DLG2: variants seen among roughly 807,000 people sequenced by gnomAD.
DLG2 encodes the protein discs large MAGUK scaffold protein 2.
A neutral mutation model predicts 132.5 loss-of-function variants in DLG2; 45 were observed. The ratio of observed to expected loss-of-function variants is 0.34; its 90% CI spans 0.27 to 0.44. The LOEUF (loss-of-function observed/expected upper bound fraction) is 0.44. Among genes scored for constraint, DLG2 ranks in the 20% least tolerant of loss-of-function variants. DLG2 has a pLI of 1.00. For synonymous variants in DLG2, 424 were observed against 419.6 expected, an observed-to-expected ratio of 1.01 and a Z score of -0.13; for missense variants, 1,045 against 1,196.9, an observed-to-expected ratio of 0.87 and a Z score of 1.87.
chr11:84,044,445 T>C (rs1393516894), intron 11 of DLG2, among the ~76,000 whole-genome samples: 1 of 151,668 alleles, frequency 6.6e-6, no homozygotes, highest in African/African-American at 2.4e-5. Flanking sequence ...ATTATTTTGT[T>C]TTCCCACGCC....
intron 19 of DLG2, among the ~76,000 whole-genome samples, chr11:83,582,656 T>C (rs1338698120): frequency 6.6e-6 from 1 of 152,208 alleles, no homozygotes; most frequent in Non-Finnish European, 1.5e-5. Flanking sequence ...GATATATAAG[T>C]CTGCTATAGG....
chr11:84,422,460 G>T (rs1293861739), intron 7 of DLG2, among the ~76,000 whole-genome samples: 10 of 152,120 alleles, frequency 6.6e-5, no homozygotes, highest in African/African-American at 2.4e-4. Context: ...CTGAATAAGG[G>T]TATGAAGTTG....
intron 7 of DLG2, among the ~76,000 whole-genome samples, chr11:84,284,351 G>A (rs1267819787): frequency 6.6e-6 from 1 of 152,216 alleles, no homozygotes; most frequent in Non-Finnish European, 1.5e-5. Context: ...TATTTTATAA[G>A]GGGAATTATA....
chr11:85,576,798 C>A (rs137875613), intron 3 of DLG2, among the ~76,000 whole-genome samples: 64 of 151,904 alleles, frequency 4.2e-4, no homozygotes, highest in African/African-American at 1.5e-3. Context: ...TTGATAAGTA[C>A]AATAAATAAA....
chr11:84,037,343 G>C (rs575210020), intron 11 of DLG2, among the ~76,000 whole-genome samples: 19 of 152,042 alleles, frequency 1.2e-4, no homozygotes, highest in Non-Finnish European at 2.6e-4. Context: ...GAACACCTGG[G>C]AAAGAATAGA....
intron 9 of DLG2, among the ~76,000 whole-genome samples, chr11:84,152,088 C>T (rs1458519456): frequency 1.3e-5 from 2 of 152,144 alleles, no homozygotes; most frequent in Non-Finnish European, 2.9e-5. Context: ...AGTTTAAGTT[C>T]ATGATTCCTT....
rs550840841 is a variant in DLG2 at position 84,622,461 on chromosome 11, T to A, written c.358-87730A>T. Among the ~76,000 whole-genome samples the A allele has an allele frequency of 2.6e-5, 4 of 152,260 alleles. No individual in the cohort carries two copies. In the South Asian group the frequency reaches 8.3e-4, roughly 32 times the overall value. On this transcript the variant is annotated intron_variant, in intron 6 of 27. Transcript: ENST00000376104. ...GAAATCCAAAAGTCAGATTCCTTCA[T>A]AAGAGTCTGATCCCACAGTGGACTG... is the stretch of plus-strand genomic sequence containing the variant.
chr11:85,097,243 A>G (rs896495099), intron 6 of DLG2, among the ~76,000 whole-genome samples: 1 of 152,060 alleles, frequency 6.6e-6, no homozygotes, highest in Non-Finnish European at 1.5e-5. Flanking sequence ...TCAAGACTCT[A>G]TTCCCTTCTT....
At chr11:85,619,681 A>G (rs1301908254) in intron 2 of DLG2, among the ~76,000 whole-genome samples, 1 of 152,082 alleles carries the variant, frequency 6.6e-6, no homozygotes, top group Non-Finnish European at 1.5e-5. Flanking sequence ...CAAAAATGAA[A>G]AAATTAGCCA....
chr11:84,147,424 C>T (rs1215047861), intron 9 of DLG2, among the ~76,000 whole-genome samples: 1 of 152,064 alleles, frequency 6.6e-6, no homozygotes, highest in Non-Finnish European at 1.5e-5. Flanking sequence ...AGCTGTTTAG[C>T]ATTTTATATG....
At chr11:83,766,458 T>C (rs1190096130) in intron 18 of DLG2, among the ~76,000 whole-genome samples, 1 of 151,832 alleles carries the variant, frequency 6.6e-6, no homozygotes, top group Non-Finnish European at 1.5e-5. Flanking sequence ...GTATTCTTCT[T>C]TGTGTTCCAT....
At chr11:84,714,559 T>TCTCTCTC (rs1565748293) in intron 6 of DLG2, among the ~76,000 whole-genome samples, 2 of 56,332 alleles carry the variant, frequency 3.6e-5, no homozygotes, top group Non-Finnish European at 5.7e-5. Flanking sequence ...TTCTCTCTCT[T>TCTCTCTC]TCTCTTTCTC....
chr11:85,023,511 A>T (rs2060254322), intron 6 of DLG2, among the ~76,000 whole-genome samples: 2 of 151,966 alleles, frequency 1.3e-5, no homozygotes, highest in South Asian at 4.1e-4. Flanking sequence ...TTGTATTAAG[A>T]TTTTGACCCA....
intron 18 of DLG2, among the ~76,000 whole-genome samples, chr11:83,680,501 C>T (rs2153596390): frequency 6.6e-6 from 1 of 152,218 alleles, no homozygotes; most frequent in Admixed American, 6.5e-5. Flanking sequence ...CTATCTTAAT[C>T]ATTATTGCTC....
intron 6 of DLG2, among the ~76,000 whole-genome samples, chr11:84,816,976 T>TA (rs1057458318): frequency 2.6e-5 from 4 of 152,004 alleles, no homozygotes; most frequent in Non-Finnish European, 5.9e-5. Flanking sequence ...GGTATCCCAT[T>TA]ACCCATTTTA....
chr11:85,350,893 C>T (rs2083239391), intron 3 of DLG2, among the ~76,000 whole-genome samples: 2 of 152,238 alleles, frequency 1.3e-5, no homozygotes, highest in East Asian at 3.9e-4. Flanking sequence ...GCAATGCAGG[C>T]TCTTTTTTGG....
intron 7 of DLG2, among the ~76,000 whole-genome samples, chr11:84,407,050 CA>C (rs2098855755): frequency 6.6e-6 from 1 of 152,146 alleles, no homozygotes; most frequent in African/African-American, 2.4e-5. Context: ...ACCTATTATT[CA>C]AGCCCTGACC....
At chr11:84,582,502 A>G (rs1163481803) in intron 6 of DLG2, among the ~76,000 whole-genome samples, 1 of 148,848 alleles carries the variant, frequency 6.7e-6, no homozygotes, top group Non-Finnish European at 1.5e-5. Flanking sequence ...ACATACATAT[A>G]TATAAAATAC....
At chr11:83,670,069 A>G (rs2076580661) in intron 18 of DLG2, among the ~76,000 whole-genome samples, 3 of 152,170 alleles carry the variant, frequency 2.0e-5, no homozygotes, top group Non-Finnish European at 4.4e-5. Flanking sequence ...TATCACATCT[A>G]CCTAACTCAA....
Sources: gnomAD v4.1 joint callset for allele counts (sites outside exome capture counted in the v4.1 genomes callset) on GRCh38, gnomAD v4.1.1 for gene constraint, MANE v1.5 for transcripts, NCBI Gene and HGNC (gene_info 2026-07-23, HGNC 2026-07-21) for gene names.